DGLUCY: variants seen among roughly 807,000 people sequenced by gnomAD.
The protein encoded by DGLUCY is D-glutamate cyclase.
Under a neutral mutation model 58.5 loss-of-function variants are expected in DGLUCY, and 58 were observed. The ratio of observed to expected loss-of-function variants is 0.99; its 90% CI spans 0.80 to 1.23. The LOEUF (loss-of-function observed/expected upper bound fraction) is 1.23. Ranked by LOEUF, DGLUCY falls within the 50% of genes most tolerant of loss-of-function variation. DGLUCY has a pLI of 0.00. For missense variants in DGLUCY, 779 were observed against 784.7 expected (o/e 0.99, Z 0.09); for synonymous variants, 325 against 314.1 (o/e 1.03, Z -0.37).
In DGLUCY at chr14:91,123,315, A is replaced by G. The variant is rs117854962; in HGVS notation, c.-82+9032A>G. Among the ~76,000 whole-genome samples, 1,420 of 152,316 alleles carry G rather than the reference A, an allele frequency of 9.3e-3. 11 individuals are homozygous for G. Among genetic ancestry groups the G allele is most frequent in the Non-Finnish European group, 0.015 (1,010 of 68,026 alleles). ...TAAACGGAGGGGCCCAGCCAAGCAT[A>G]TTCCCATGCTGCAAAGCCACTTGAT... On this transcript the variant is annotated intron_variant, in intron 1 of 13. Transcript: ENST00000256324.
chr14:91,208,729 A>G (rs949851986), intron 12 of DGLUCY, among the ~76,000 whole-genome samples: 1 of 152,148 alleles, frequency 6.6e-6, no homozygotes, highest in Non-Finnish European at 1.5e-5. Context: ...AGCCTGGGTG[A>G]CAGAGTCAGA....
intron 1 of DGLUCY, among the ~76,000 whole-genome samples, chr14:91,100,055 CAAAAAAAAA>C (rs781379842): frequency 7.7e-6 from 1 of 130,698 alleles, no homozygotes; most frequent in African/African-American, 3.1e-5. Context: ...AACTCTGTCT[CAAAAAAAAA>C]AAAAAAAAAA....
chr14:91,097,829 A>G (rs1023027598), intron 1 of DGLUCY, among the ~76,000 whole-genome samples: 2 of 151,986 alleles, frequency 1.3e-5, no homozygotes, highest in African/African-American at 4.8e-5. Flanking sequence ...GTGTGCCACC[A>G]CGCCCAGCTA....
At chr14:91,207,049 G>GT (rs1884829975) in intron 12 of DGLUCY, among the ~76,000 whole-genome samples, 1 of 151,508 alleles carries the variant, frequency 6.6e-6, no homozygotes, top group Non-Finnish European at 1.5e-5. Context: ...TCCTGGCTAC[G>GT]TGGGGGGGCT....
chr14:91,155,766 T>C, intron 1 of DGLUCY, among the ~76,000 whole-genome samples: 1 of 146,338 alleles, frequency 6.8e-6, no homozygotes, highest in African/African-American at 2.5e-5. Context: ...CACTGCACTC[T>C]AGCCTGGGCA....
At chr14:91,220,039 G>A (rs1333637337) in intron 13 of DGLUCY, among the ~76,000 whole-genome samples, 3 of 152,236 alleles carry the variant, frequency 2.0e-5, no homozygotes, top group Non-Finnish European at 4.4e-5. Flanking sequence ...GTGCCTGGAT[G>A]CTGGTCTGGG....
intron 9 of DGLUCY, among the ~76,000 whole-genome samples, chr14:91,196,098 C>T (rs1008953229): frequency 2.0e-5 from 3 of 152,162 alleles, no homozygotes; most frequent in Admixed American, 1.3e-4. Context: ...GGCCGCTGTT[C>T]CCATGGTATT....
Position 91,196,379 on chromosome 14 carries a change from T to C in DGLUCY, c.1200T>C (p.Val400=), listed in dbSNP as rs756067923. ...CTGCTTGCCTTTATTTTCAAGGTGT[T>C]CTGAAGACGCAGATCCCGATATTAA... is the stretch of plus-strand genomic sequence containing the variant. ...KIVEDAVEQG[V]LKTQIPILTY... Residue 400 remains valine (V), a synonymous_variant, in exon 10 of 14, where the codon GTT becomes GTC. Coordinates refer to ENST00000256324, the MANE Select transcript of DGLUCY (RefSeq NM_001102368.3). 1.4e-5 allele frequency: 22 copies of C among 1,613,914 alleles called. No homozygotes were observed. In the Admixed American group the frequency reaches 3.7e-4, roughly 27 times the overall value.
In DGLUCY at chr14:91,114,262, G is replaced by T. The variant is rs189165079; in HGVS notation, c.-103G>T. The stretch of plus-strand genomic sequence containing the variant: ...AAGGGAGGAACTGTTTGTAGCCCTC[G>T]TCCAGACGCCCCAAACAAACAGTAA... On this transcript the variant is annotated 5_prime_UTR_variant, in exon 1 of 14. Coordinates refer to ENST00000256324, the MANE Select transcript of DGLUCY (RefSeq NM_001102368.3). 3 of 152,406 alleles carry T rather than the reference G, an allele frequency of 2.0e-5. No homozygotes were observed. 9.4% of individuals were successfully genotyped at this position (152,406 alleles called of 1,614,324 possible).
intron 8 of DGLUCY, 116 bp downstream of exon 8, chr14:91,181,505 A>AT: frequency 9.6e-7 from 1 of 1,038,428 alleles, no homozygotes; most frequent in East Asian, 2.4e-5. Flanking sequence ...CCACAGGATG[A>AT]TTTTTTAAAT....
chr14:91,076,184 A>G (rs1450402903), intron 1 of DGLUCY, among the ~76,000 whole-genome samples: 73 of 152,194 alleles, frequency 4.8e-4, no homozygotes, highest in Admixed American at 4.6e-3. Context: ...GAAGACAGAC[A>G]TAGAAACAAG....
chr14:91,199,483 C>T (rs999327074), intron 10 of DGLUCY, among the ~76,000 whole-genome samples: 15 of 44,680 alleles, frequency 3.4e-4, no homozygotes, highest in African/African-American at 5.6e-4. Flanking sequence ...GAACTCCTGA[C>T]CTCAAGTGAT....
At chr14:91,067,453 C>A (rs1039837629) in intron 1 of DGLUCY, among the ~76,000 whole-genome samples, 1 of 152,184 alleles carries the variant, frequency 6.6e-6, no homozygotes, top group Non-Finnish European at 1.5e-5. Context: ...CCACATCATA[C>A]TTTCCTTTAA....
At chr14:91,150,327 C>T (rs574447108) in intron 1 of DGLUCY, among the ~76,000 whole-genome samples, 5 of 151,858 alleles carry the variant, frequency 3.3e-5, no homozygotes, top group Non-Finnish European at 5.9e-5. Context: ...ACAGGGGCCC[C>T]GGGGCTAGAA....
At chr14:91,089,911 G>A (rs370980477) in intron 1 of DGLUCY, among the ~76,000 whole-genome samples, 14 of 151,804 alleles carry the variant, frequency 9.2e-5, no homozygotes, top group South Asian at 2.1e-4. Context: ...GAAAAGGGAC[G>A]TTATTAGTAA....
At chr14:91,114,056 A>G (rs1054512190), upstream of DGLUCY, 1 of 152,402 alleles carries the variant, frequency 6.6e-6, no homozygotes, top group Admixed American at 6.5e-5. Context: ...ACGCTGCTGC[A>G]TGGGCCACGT....
At chr14:91,119,488 CTCTT>C (rs1256902523) in intron 1 of DGLUCY, among the ~76,000 whole-genome samples, 1 of 152,182 alleles carries the variant, frequency 6.6e-6, no homozygotes. Flanking sequence ...TGCAGTGCTA[CTCTT>C]TCTAAGTTCC....
At chr14:91,060,461 G>A (rs372229821) in exon 1 of DGLUCY, 62 of 1,414,604 alleles carry the variant, frequency 4.4e-5, no homozygotes, top group Non-Finnish European at 5.7e-5. Context: ...GATCCCGCGG[G>A]TCGCTACGAG....
chr14:91,078,876 T>TA (rs1555388801), intron 1 of DGLUCY, among the ~76,000 whole-genome samples: 3 of 136,754 alleles, frequency 2.2e-5, no homozygotes, highest in Non-Finnish European at 4.7e-5. Context: ...TATTTTTAAT[T>TA]TTTATTTATT....
Sources: allele counts gnomAD v4.1 joint callset (sites outside exome capture counted in the v4.1 genomes callset), GRCh38; gene constraint gnomAD v4.1.1; transcripts MANE v1.5; gene names NCBI Gene and HGNC (gene_info 2026-07-23, HGNC 2026-07-21).